Variants in INTS6 observed in about 807,000 individuals in gnomAD.
INTS6 encodes DEAD box protein.
Under a neutral mutation model 104.9 loss-of-function variants are expected in INTS6, and 16 were observed. That is an observed-to-expected ratio of 0.15 (90% CI 0.10 to 0.23). INTS6 has a LOEUF of 0.23. Among genes scored for constraint, INTS6 ranks in the 10% least tolerant of loss-of-function variants. The probability of loss-of-function intolerance (pLI) is 1.00; values close to 1 mark genes in which losing one functional copy is unlikely to be tolerated. For missense variants in INTS6, 584 were observed against 1,062.8 expected (o/e 0.55, Z 6.26); for synonymous variants, 324 against 358.7 (o/e 0.90, Z 1.09).
chr13:51,375,734 GGTGTGT>G lies in INTS6; in HGVS notation c.1729+308_1729+313del, dbSNP rs71684515. 2.6e-3 allele frequency among the ~76,000 whole-genome samples: 389 copies of G among 147,676 alleles called. 1 individual carries two copies. Among genetic ancestry groups the G allele is most frequent in the African/African-American group, 5.1e-3 (210 of 40,954 alleles). On this transcript the variant is annotated intron_variant, in intron 13 of 17. Transcript: ENST00000311234. Reference sequence around the variant, plus strand: ...TTTTAAGTATACAGTTTGATAAGTGGGTGTGTGTGTGTGTGTGTGTGTGTGTGTGTG... The same window carrying G: ...TTTTAAGTATACAGTTTGATAAGTGGGTGTGTGTGTGTGTGTGTGTGTGTG...
intron 3 of INTS6, among the ~76,000 whole-genome samples, chr13:51,433,472 C>T (rs1957134613): frequency 1.3e-5 from 2 of 152,210 alleles, no homozygotes; most frequent in Non-Finnish European, 2.9e-5. Flanking sequence ...GATTTTCTGA[C>T]CAAAAGTCTG....
At chr13:51,424,872 A>C (rs1956959370) in intron 4 of INTS6, among the ~76,000 whole-genome samples, 1 of 152,040 alleles carries the variant, frequency 6.6e-6, no homozygotes, top group Non-Finnish European at 1.5e-5. Context: ...TTCCTTACAG[A>C]TCTTTTCAAA....
At position 51,450,710 on chromosome 13, in the gene INTS6, G is replaced by C. The variant is rs568103335; in HGVS notation, c.339+315C>G. 48 of 1,016,812 alleles carry C rather than the reference G, an allele frequency of 4.7e-5. No homozygotes were observed. In the African/African-American group the frequency reaches 8.2e-4, roughly 17 times the overall value. 63.0% of individuals were successfully genotyped at this position (1,016,812 alleles called of 1,614,324 possible). ...ACTATAATAGTTGCACATACAACAT[G>C]AGTGTGGTGTGGTAGGATGCTTTTC... On this transcript the variant is annotated intron_variant, in intron 3 of 17. Transcript: ENST00000311234.
At chr13:51,394,575 ATT>A in intron 5 of INTS6, among the ~76,000 whole-genome samples, 1 of 152,280 alleles carries the variant, frequency 6.6e-6, no homozygotes, top group Admixed American at 6.5e-5. Context: ...CAAATACAGA[ATT>A]TGATATTAAA....
chr13:51,334,982 C>CAAA, the INTS6 span, among the ~76,000 whole-genome samples: 8 of 70,786 alleles, frequency 1.1e-4, no homozygotes, highest in African/African-American at 2.2e-4. Flanking sequence ...GACTCCGTCT[C>CAAA]AAAAAAAAAA....
the INTS6 span, among the ~76,000 whole-genome samples, chr13:51,337,714 G>A: frequency 6.6e-6 from 1 of 152,206 alleles, no homozygotes; most frequent in Non-Finnish European, 1.5e-5. Flanking sequence ...TCATAGGATT[G>A]CTGTGAGGAT....
At position 51,452,867 on chromosome 13, in the gene INTS6, G is replaced by C. The variant is rs1355948600; in HGVS notation, c.-342C>G. 1 of 1,135,212 alleles carries C rather than the reference G, an allele frequency of 8.8e-7. No homozygotes were observed. The highest frequency in any genetic ancestry group is 1.1e-6 in the Non-Finnish European group (1 of 920,232). The allele number at this position is 1,135,212 out of a possible 1,614,324, so 70.3% of individuals were successfully genotyped here. ...CCCTGTGTGTGTCCCAGCGGGAGACGGGCCTGGCTCCCCACCCCACCCCCG... is the reference window on the plus strand; with the variant it reads ...CCCTGTGTGTGTCCCAGCGGGAGACCGGCCTGGCTCCCCACCCCACCCCCG... On this transcript the variant is annotated 5_prime_UTR_variant, in exon 1 of 18. Transcript: ENST00000311234. The surrounding 1 kb of genome is among the most constrained non-coding windows in gnomAD (Gnocchi z 4.2).
At chr13:51,403,347 C>T (rs559780771) in intron 4 of INTS6, among the ~76,000 whole-genome samples, 5 of 151,924 alleles carry the variant, frequency 3.3e-5, no homozygotes, top group Non-Finnish European at 7.4e-5. Flanking sequence ...ACTTTGGGAG[C>T]CCAAGGTCAC....
intron 6 of INTS6, among the ~76,000 whole-genome samples, 182 bp from the exon 7 acceptor site, chr13:51,387,722 T>C (rs1263995207): frequency 6.6e-6 from 1 of 152,206 alleles, no homozygotes; most frequent in Admixed American, 6.5e-5. Flanking sequence ...TAGATTGTAA[T>C]TCATTAGACA....
At chr13:51,448,547 T>A (rs1409462438) in intron 3 of INTS6, 1 of 152,182 alleles carries the variant, frequency 6.6e-6, no homozygotes, top group African/African-American at 2.4e-5. Flanking sequence ...TTCAAAGATG[T>A]TTTATCTGTA....
Position 51,366,230 on chromosome 13 carries a change from G to GT in INTS6, c.2571-386dup, listed in dbSNP as rs1211788201. On this transcript the variant is annotated intron_variant, in intron 17 of 17. Transcript: ENST00000311234. Reference sequence around the variant, plus strand: ...TCAATAGCTTCTTCTCATGCTCTTTGTAAGCTGAATATTGAAAGGAATGTG... The same window carrying GT: ...TCAATAGCTTCTTCTCATGCTCTTTGTTAAGCTGAATATTGAAAGGAATGTG... Among the ~76,000 whole-genome samples the GT allele has an allele frequency of 3.9e-5, 6 of 152,060 alleles. No individual in the cohort carries two copies. In the South Asian group the frequency reaches 1.2e-3, roughly 31 times the overall value.
rs189561732 is a variant in INTS6 at position 51,421,186 on chromosome 13, C to T, written c.429+9108G>A. The T allele has an allele frequency of 1.4e-5, 14 of 985,772 alleles. No individual in the cohort carries two copies. In the East Asian group the frequency reaches 1.6e-3, roughly 112 times the overall value. 61.1% of individuals were successfully genotyped at this position (985,772 alleles called of 1,614,324 possible). ...GAGGAAGGCTAGCCATTAGACAAGG[C>T]TTTTCCCCACGATCTGACTGCTTGA... On this transcript the variant is annotated intron_variant, in intron 4 of 17. Coordinates refer to ENST00000311234, the MANE Select transcript of INTS6 (RefSeq NM_012141.3).
Position 51,389,444 on chromosome 13 carries a change from C to A in INTS6, c.614G>T (p.Gly205Val). The A allele has an allele frequency of 1.3e-6, 2 of 1,586,394 alleles. No homozygotes were observed. The highest frequency in any genetic ancestry group is 1.2e-5 in the South Asian group (1 of 85,384). ...AITPMCEVTG[G>V]RSYSVCSPRM... ...TGGAGAACACACAGAATATGAACGG[C>A]CTGAGATTAAAAAAAAGAAGAAGAA... is the stretch of plus-strand genomic sequence containing the variant. The change falls in exon 6 of 18, where the codon GGC (glycine) becomes GTC (valine). Residue 205 changes from glycine (G) to valine (V), a missense_variant and splice_region_variant. Physicochemically the swap from Gly to Val is moderately radical, Grantham distance 109. Coordinates refer to ENST00000311234, the MANE Select transcript of INTS6 (RefSeq NM_012141.3).
intron 4 of INTS6, 126 bp from the exon 5 acceptor site, chr13:51,395,609 T>C (rs1009873360): frequency 1.3e-4 from 107 of 798,714 alleles, no homozygotes; most frequent in Middle Eastern, 2.3e-4. Context: ...AGCTCAAATA[T>C]AAAAGCTTAC....
rs1287108811 is a variant in INTS6 at position 51,375,915 on chromosome 13, T to TC, written c.1729+132dup. On this transcript the variant is annotated intron_variant, in intron 13 of 17. Coordinates refer to ENST00000311234, the MANE Select transcript of INTS6 (RefSeq NM_012141.3). ...AATCAGGGATGATTCACCTTTTACTTCATTTGTTTGAACTTACAATAAGAA... is the reference window on the plus strand; with the variant it reads ...AATCAGGGATGATTCACCTTTTACTTCCATTTGTTTGAACTTACAATAAGAA... 7.8e-5 allele frequency: 54 copies of TC among 690,142 alleles called. No individual in the cohort carries two copies. In the Middle Eastern group the frequency reaches 1.7e-3, roughly 22 times the overall value. 42.8% of individuals were successfully genotyped at this position (690,142 alleles called of 1,614,324 possible). A position where few individuals can be genotyped will look rare whatever the true frequency, so the allele number is the denominator to read the frequency against.
chr13:51,421,328 C>T (rs1956892292), intron 4 of INTS6: 1 of 984,562 alleles, frequency 1.0e-6, no homozygotes, highest in African/African-American at 1.7e-5. Flanking sequence ...CTGGGCTGCT[C>T]CTTTAGCTGA....
At chr13:51,374,113 T>G in intron 15 of INTS6, 95 bp downstream of exon 15, 1 of 943,120 alleles carries the variant, frequency 1.1e-6, no homozygotes, top group South Asian at 1.6e-5. Context: ...ATTGTACTAC[T>G]AATCAATTTC....
intron 4 of INTS6, among the ~76,000 whole-genome samples, chr13:51,403,419 A>G (rs1956476869): frequency 6.6e-6 from 1 of 151,916 alleles, no homozygotes. Flanking sequence ...CATCTCTACT[A>G]AAAATACAAA....
At chr13:51,392,816 T>C (rs571441135) in intron 5 of INTS6, among the ~76,000 whole-genome samples, 6 of 152,262 alleles carry the variant, frequency 3.9e-5, no homozygotes, top group East Asian at 1.9e-4. Context: ...TACAAAGACA[T>C]AAGCTTTCTA....
Sources: allele counts gnomAD v4.1 joint callset (sites outside exome capture counted in the v4.1 genomes callset), GRCh38; gene constraint gnomAD v4.1.1; non-coding constraint Gnocchi (gnomAD v3.1); transcripts MANE v1.5; gene names NCBI Gene and HGNC (gene_info 2026-07-23, HGNC 2026-07-21).